The following MALT1 variants were observed in gnomAD, a reference collection of about 807,000 sequenced individuals.
MALT1 encodes MALT1 paracaspase.
MALT1 carries 36 observed loss-of-function variants against 85.5 expected under a neutral mutation model. The observed-to-expected ratio is 0.42, with a 90% CI of 0.32 to 0.56. The LOEUF is 0.56. Ranked by LOEUF, MALT1 falls within the 20% of genes least tolerant of loss-of-function variation. MALT1 has a pLI of 0.10. For synonymous variants in MALT1, 359 were observed against 361.3 expected (o/e 0.99, Z 0.07); for missense variants, 716 against 981.6 (o/e 0.73, Z 3.62).
chr18:58,698,999 A>C (rs1568133245), intron 3 of MALT1, among the ~76,000 whole-genome samples: 1 of 152,128 alleles, frequency 6.6e-6, no homozygotes, highest in Non-Finnish European at 1.5e-5. Context: ...ATTTCCCAGA[A>C]CTTTCTGTTT....
At chr18:58,734,967 T>A (rs1431000516) in intron 12 of MALT1, among the ~76,000 whole-genome samples, 1 of 152,238 alleles carries the variant, frequency 6.6e-6, no homozygotes, top group Non-Finnish European at 1.5e-5. Flanking sequence ...CAATGTGGAA[T>A]GATTGAATCA....
At chr18:58,736,080 G>T (rs1004159990) in intron 13 of MALT1, among the ~76,000 whole-genome samples, 5 of 152,074 alleles carry the variant, frequency 3.3e-5, no homozygotes, top group African/African-American at 9.7e-5. Flanking sequence ...TTAAGGCCAA[G>T]AGTTCAAGAC....
Position 58,749,321 on chromosome 18 carries a change from A to G in MALT1, c.*1479A>G, listed in dbSNP as rs970589130. 4.6e-6 allele frequency: 1 copy of G among 216,706 alleles called. No homozygotes were observed. The allele number at this position is 216,706 out of a possible 1,614,324, so 13.4% of individuals were successfully genotyped here. A position where few individuals can be genotyped will look rare whatever the true frequency, so the allele number is the denominator to read the frequency against. ...CCTAGCAAATTCTACCTTATTTTACAGAAGTGAAAGTGAGGTATCAGAAGT... is the reference window on the plus strand; with the variant it reads ...CCTAGCAAATTCTACCTTATTTTACGGAAGTGAAAGTGAGGTATCAGAAGT... On this transcript the variant is annotated 3_prime_UTR_variant, in exon 17 of 17. Transcript: ENST00000649217.
At chr18:58,686,737 A>G (rs142042711) in intron 2 of MALT1, among the ~76,000 whole-genome samples, 31 of 152,072 alleles carry the variant, frequency 2.0e-4, no homozygotes, top group African/African-American at 6.8e-4. Context: ...TGTTTTGGCT[A>G]TTTTTATTAC....
At chr18:58,707,986 G>T (rs1490136464) in intron 4 of MALT1, among the ~76,000 whole-genome samples, 1 of 152,136 alleles carries the variant, frequency 6.6e-6, no homozygotes, top group African/African-American at 2.4e-5. Flanking sequence ...TCAGCTTATT[G>T]GACCACTGAA....
In MALT1 at chr18:58,671,678, C is replaced by T; in HGVS notation, c.35C>T (p.Pro12Leu). 7 of 1,243,390 alleles carry T rather than the reference C, an allele frequency of 5.6e-6. No homozygotes were observed. The South Asian group carries it at 1.3e-4, about 23-fold the overall frequency. The allele number at this position is 1,243,390 out of a possible 1,614,324, so 77.0% of individuals were successfully genotyped here. ...TTGGGGGACCCGCTACAGGCCCTGC[C>T]GCCCTCGGCCGCCCCCACGGGGCCG... The part of the protein sequence containing the change: ...SLLGDPLQAL[P>L]PSAAPTGPLL... Residue 12 changes from proline to leucine, a missense_variant, in exon 1 of 17, where the codon CCG becomes CTG. Around this residue, in one of 4 missense-constraint regions of MALT1, gnomAD observed 80 missense variants for 65.1 expected, o/e 1.23. Coordinates refer to ENST00000649217, the MANE Select transcript of MALT1 (RefSeq NM_006785.4).
rs2144137018 is a variant in MALT1, at chr18:58,752,433, T to C, written c.*4591T>C. ...CAGCTACTCAATTTACACATTACTT[T>C]TGTGCATTTCATCCTGTTTCTCAGT... On this transcript the variant is annotated 3_prime_UTR_variant, in exon 17 of 17. Transcript: ENST00000649217. The C allele has an allele frequency of 6.6e-6, 1 of 152,290 alleles. No homozygotes were observed. Among genetic ancestry groups the C allele is most frequent in the Middle Eastern group, 3.4e-3 (1 of 294 alleles). The allele number at this position is 152,290 out of a possible 1,614,324, so 9.4% of individuals were successfully genotyped here.
intron 13 of MALT1, among the ~76,000 whole-genome samples, chr18:58,739,476 T>C (rs115862708): frequency 2.6e-5 from 4 of 152,296 alleles, no homozygotes; most frequent in East Asian, 1.9e-4. Context: ...TGCCAAGATA[T>C]TTAGTCCAGC....
intron 9 of MALT1, among the ~76,000 whole-genome samples, chr18:58,717,772 C>T (rs758790201): frequency 3.5e-5 from 5 of 144,584 alleles, no homozygotes; most frequent in Non-Finnish European, 6.1e-5. Context: ...AAAAAAGAAA[C>T]CTGCTATGTT....
intron 1 of MALT1, among the ~76,000 whole-genome samples, chr18:58,676,311 A>G (rs1226928595): frequency 1.3e-5 from 2 of 152,252 alleles, no homozygotes; most frequent in African/African-American, 4.8e-5. Context: ...TGGGAGGATT[A>G]CTTATGCCTA....
intron 13 of MALT1, among the ~76,000 whole-genome samples, chr18:58,738,107 C>T (rs1276185306): frequency 6.6e-6 from 1 of 152,156 alleles, no homozygotes; most frequent in African/African-American, 2.4e-5. Context: ...TAGGACCCCT[C>T]TTCTCCCTTC....
intron 1 of MALT1, chr18:58,672,886 T>A (rs2054186310): frequency 6.6e-6 from 1 of 152,150 alleles, no homozygotes; most frequent in Admixed American, 6.5e-5. Context: ...AAAAGCTAAA[T>A]AAAGTCTTAA....
intron 9 of MALT1, among the ~76,000 whole-genome samples, chr18:58,717,757 A>T (rs1047873743): frequency 1.3e-5 from 2 of 151,668 alleles, no homozygotes; most frequent in Non-Finnish European, 2.9e-5. Context: ...AAAAAAAAAA[A>T]AAAAAAAAAA....
At chr18:58,697,896 T>C (rs777848578) in intron 3 of MALT1, among the ~76,000 whole-genome samples, 2 of 152,108 alleles carry the variant, frequency 1.3e-5, no homozygotes, top group Non-Finnish European at 2.9e-5. Flanking sequence ...CTCAAAGAGC[T>C]TACACGCCAG....
At position 58,747,403 on chromosome 18, in the gene MALT1, A is replaced by T. The variant is rs1474808480; in HGVS notation, c.2038-2A>T. The T allele has an allele frequency of 1.9e-6, 3 of 1,587,824 alleles. No homozygotes were observed. Among genetic ancestry groups the T allele is most frequent in the Admixed American group, 3.6e-5 (2 of 55,712 alleles). ...AATAAACCAGATTTTTTTCCTTTTC[A>T]GGAACATCTAGTCTTCACAGTATGT... On this transcript the variant is annotated splice_acceptor_variant, in intron 16 of 16. Coordinates refer to ENST00000649217, the MANE Select transcript of MALT1 (RefSeq NM_006785.4). LOFTEE classifies it high-confidence loss of function.
intron 10 of MALT1, among the ~76,000 whole-genome samples, chr18:58,726,336 AAGT>A (rs2055054002): frequency 6.6e-6 from 1 of 152,214 alleles, no homozygotes; most frequent in Non-Finnish European, 1.5e-5. Flanking sequence ...CACTAAATGT[AAGT>A]GTGGTAGAGG....
intron 12 of MALT1, chr18:58,734,618 G>A (rs2144464502): frequency 2.2e-6 from 1 of 451,450 alleles, no homozygotes; most frequent in Non-Finnish European, 4.0e-6. Context: ...TAGATTAGAG[G>A]CCTAGAAAAT....
intron 15 of MALT1, among the ~76,000 whole-genome samples, chr18:58,745,452 T>A (rs185137994): frequency 9.2e-5 from 14 of 152,282 alleles, no homozygotes; most frequent in African/African-American, 3.4e-4. Context: ...CTCACTTTAC[T>A]TTTTAGATGG....
chr18:58,691,349 T>C, intron 2 of MALT1: 2 of 852,448 alleles, frequency 2.3e-6, no homozygotes, highest in South Asian at 1.3e-5. Context: ...TCCTGTTTGC[T>C]TTTGGCATTG....
Sources: gnomAD v4.1 joint callset for allele counts (sites outside exome capture counted in the v4.1 genomes callset) on GRCh38, gnomAD v4.1.1 for gene constraint, gnomAD v4.1.1 regional missense constraint, MANE v1.5 for transcripts, NCBI Gene and HGNC (gene_info 2026-07-23, HGNC 2026-07-21) for gene names.